The following WDR45B variants were observed in gnomAD, a reference collection of about 807,000 sequenced individuals.
WDR45B encodes the protein WD repeat domain phosphoinositide-interacting protein 3.
A neutral mutation model predicts 44.6 loss-of-function variants in WDR45B; 20 were observed. The observed-to-expected ratio is 0.45, with a 90% CI of 0.32 to 0.65. The LOEUF is 0.65. WDR45B is among the 30% of genes least tolerant of loss of function. The probability of loss-of-function intolerance (pLI) is 0.05; values close to 1 mark genes in which losing one functional copy is unlikely to be tolerated. For synonymous variants in WDR45B, 169 were observed against 164.9 expected, an observed-to-expected ratio of 1.02 and a Z score of -0.19; for missense variants, 323 against 430.2, an observed-to-expected ratio of 0.75 and a Z score of 2.20.
intron 5 of WDR45B, among the ~76,000 whole-genome samples, chr17:82,622,366 G>A (rs1293685033): frequency 1.3e-5 from 2 of 152,124 alleles, no homozygotes; most frequent in Admixed American, 6.6e-5. Context: ...TCTCAGAAAG[G>A]GTTCTTGAAG....
At chr17:82,626,950 G>C (rs1412033111) in intron 4 of WDR45B, 2 of 544,252 alleles carry the variant, frequency 3.7e-6, no homozygotes, top group Non-Finnish European at 6.6e-6. Context: ...GAGACCCACT[G>C]GCTGGTCCAC....
At chr17:82,616,765 T>C in intron 8 of WDR45B, 120 bp from the exon 9 acceptor site, 1 of 1,376,258 alleles carries the variant, frequency 7.3e-7, no homozygotes, top group Non-Finnish European at 1.0e-6. Flanking sequence ...TGAGCTTTAA[T>C]GAATTTTTTT....
chr17:82,634,794 T>C (rs2045813012), intron 2 of WDR45B, among the ~76,000 whole-genome samples: 1 of 152,060 alleles, frequency 6.6e-6, no homozygotes, highest in South Asian at 2.1e-4. Context: ...CTCAAACTCC[T>C]GGCCTCAAGC....
At chr17:82,641,178 G>C (rs2045910385) in intron 2 of WDR45B, among the ~76,000 whole-genome samples, 1 of 152,026 alleles carries the variant, frequency 6.6e-6, no homozygotes, top group Non-Finnish European at 1.5e-5. Context: ...TGTTGCCCAG[G>C]CTGGTCTCGA....
rs1417554940 is a variant in WDR45B at position 82,615,028 on chromosome 17, G to C, written c.*891C>G. 1 of 152,188 alleles carries C rather than the reference G, an allele frequency of 6.6e-6. No homozygotes were observed. The highest frequency in any genetic ancestry group is 2.4e-5 in the African/African-American group (1 of 41,426). 9.4% of individuals were successfully genotyped at this position (152,188 alleles called of 1,614,324 possible). The stretch of plus-strand genomic sequence containing the variant: ...CCCTCCACACCAGCGGGAACTGCAT[G>C]GACCCTCCCAGACCCTGCTCTGGCA... On this transcript the variant is annotated 3_prime_UTR_variant, in exon 10 of 10. Transcript: ENST00000392325.
rs112429688 is a variant in WDR45B at position 82,625,411 on chromosome 17, G to A, written c.405C>T (p.Phe135=). 5.8e-5 allele frequency: 94 copies of A among 1,614,032 alleles called. No homozygotes were observed. The highest frequency in any genetic ancestry group is 6.8e-5 in the Non-Finnish European group (80 of 1,180,034). The change falls in exon 5 of 10, where the codon TTC becomes TTT. Residue 135 remains phenylalanine (F), a synonymous_variant. Coordinates refer to ENST00000392325, the MANE Select transcript of WDR45B (RefSeq NM_019613.4). ...CACCTTTGGGGTTATAGCAGGTTTCGAAGACGTGCAACTGATGGGGATTGT... is the reference window on the plus strand; with the variant it reads ...CACCTTTGGGGTTATAGCAGGTTTCAAAGACGTGCAACTGATGGGGATTGT... ...FTHNPHQLHV[F]ETCYNPKGLC... is the part of the protein sequence containing the mutation.
At chr17:82,642,476 A>G (rs2045930200) in intron 2 of WDR45B, among the ~76,000 whole-genome samples, 1 of 152,232 alleles carries the variant, frequency 6.6e-6, no homozygotes, top group Admixed American at 6.5e-5. Context: ...TTTATAATAA[A>G]CTGGTAAATG....
At chr17:82,616,693 A>C (rs764904769) in intron 8 of WDR45B, 48 bp from the exon 9 acceptor site, 2 of 1,613,246 alleles carry the variant, frequency 1.2e-6, no homozygotes, top group South Asian at 1.1e-5. Flanking sequence ...ACAGGAAAAA[A>C]AATCACCTGC....
Position 82,615,800 on chromosome 17 carries a change from G to A in WDR45B, c.*119C>T. 1.1e-6 allele frequency: 1 copy of A among 892,906 alleles called. No individual in the cohort carries two copies. The highest frequency in any genetic ancestry group is 1.9e-6 in the Non-Finnish European group (1 of 538,370). The allele number at this position is 892,906 out of a possible 1,614,324, so 55.3% of individuals were successfully genotyped here. On this transcript the variant is annotated 3_prime_UTR_variant, in exon 10 of 10. Coordinates refer to ENST00000392325, the MANE Select transcript of WDR45B (RefSeq NM_019613.4). ...AGCAGACAACCACGTATGGCTTCGA[G>A]ACCAAGGTCCCTGGGCAGCCCCTCC...
chr17:82,621,501 G>C, intron 6 of WDR45B, 108 bp downstream of exon 6: 1 of 1,460,290 alleles, frequency 6.8e-7, no homozygotes, highest in Middle Eastern at 2.4e-4. Context: ...AGGGGCTCCA[G>C]GTTGGGGCAG....
intron 8 of WDR45B, among the ~76,000 whole-genome samples, chr17:82,617,034 C>T (rs1157680224): frequency 1.3e-5 from 2 of 152,220 alleles, no homozygotes; most frequent in African/African-American, 4.8e-5. Context: ...CCAGGATGGT[C>T]TCGAACTCCT....
intron 1 of WDR45B, among the ~76,000 whole-genome samples, chr17:82,645,171 G>A (rs1031207137): frequency 3.9e-5 from 6 of 151,912 alleles, no homozygotes; most frequent in South Asian, 2.1e-4. Flanking sequence ...GGTGGTGAGC[G>A]CCTGTAATCC....
intron 2 of WDR45B, among the ~76,000 whole-genome samples, chr17:82,634,030 A>T (rs2045801631): frequency 6.6e-6 from 1 of 151,464 alleles, no homozygotes; most frequent in African/African-American, 2.4e-5. Context: ...AGGTGCCTGT[A>T]ATCCCAGCTA....
At chr17:82,630,794 G>T in intron 3 of WDR45B, 127 bp downstream of exon 3, 1 of 957,372 alleles carries the variant, frequency 1.0e-6, no homozygotes, top group Non-Finnish European at 1.7e-6. Flanking sequence ...TTCCTCCCCA[G>T]TGACCAGTCC....
chr17:82,630,574 G>A (rs553019954), intron 3 of WDR45B, among the ~76,000 whole-genome samples: 1 of 152,166 alleles, frequency 6.6e-6, no homozygotes, highest in African/African-American at 2.4e-5. Context: ...TGAAACTAAT[G>A]TTCCTTTAAG....
intron 3 of WDR45B, among the ~76,000 whole-genome samples, chr17:82,628,105 A>G (rs1462339980): frequency 6.6e-6 from 1 of 152,026 alleles, no homozygotes; most frequent in African/African-American, 2.4e-5. Flanking sequence ...AGATTCTCCC[A>G]CGTCAGCTTC....
chr17:82,635,387 A>G (rs1427919323), intron 2 of WDR45B, among the ~76,000 whole-genome samples: 1 of 151,692 alleles, frequency 6.6e-6, no homozygotes, highest in Non-Finnish European at 1.5e-5. Flanking sequence ...GCTTATTAAT[A>G]AAGTTATTAA....
intron 2 of WDR45B, among the ~76,000 whole-genome samples, chr17:82,641,654 T>C (rs986641334): frequency 4.6e-5 from 7 of 152,106 alleles, no homozygotes; most frequent in Non-Finnish European, 1.0e-4. Flanking sequence ...CCCAGCACTT[T>C]GGGAGGACAA....
intron 2 of WDR45B, among the ~76,000 whole-genome samples, chr17:82,639,616 T>C (rs1412687561): frequency 6.6e-6 from 1 of 151,064 alleles, no homozygotes; most frequent in Admixed American, 6.6e-5. Flanking sequence ...GCACGAAGCC[T>C]GCAGGACCTG....
Sources: gnomAD v4.1 joint callset for allele counts (sites outside exome capture counted in the v4.1 genomes callset) on GRCh38, gnomAD v4.1.1 for gene constraint, MANE v1.5 for transcripts, NCBI Gene and HGNC (gene_info 2026-07-23, HGNC 2026-07-21) for gene names.